NR3C2: variants seen among roughly 807,000 people sequenced by gnomAD.
NR3C2 encodes the protein mineralocorticoid receptor.
NR3C2 carries 15 observed loss-of-function variants against 86.4 expected under a neutral mutation model. The observed-to-expected ratio is 0.17, with a 90% CI of 0.12 to 0.27. The LOEUF is 0.27. Ranked by LOEUF, NR3C2 falls within the 10% of genes least tolerant of loss-of-function variation. The pLI is 1.00. For missense variants in NR3C2, 960 were observed against 1,195.6 expected, an observed-to-expected ratio of 0.80 and a Z score of 2.91; for synonymous variants, 458 against 450.5, an observed-to-expected ratio of 1.02 and a Z score of -0.21.
intron 4 of NR3C2, among the ~76,000 whole-genome samples, chr4:148,161,229 C>T (rs114714669): frequency 6.6e-6 from 1 of 152,130 alleles, no homozygotes; most frequent in African/African-American, 2.4e-5. Context: ...GATTAATCTA[C>T]ATAATTTAAT....
chr4:148,444,289 T>C, upstream of NR3C2: 8 of 985,376 alleles, frequency 8.1e-6, no homozygotes, highest in Non-Finnish European at 9.6e-6. Flanking sequence ...TCTCAGCTTC[T>C]TGCAAAATCT....
intron 2 of NR3C2, among the ~76,000 whole-genome samples, chr4:148,427,111 T>C (rs558049699): frequency 3.3e-5 from 5 of 152,116 alleles, no homozygotes; most frequent in South Asian, 2.1e-4. Context: ...CAAATCACCA[T>C]GCCCTGCTAA....
intron 2 of NR3C2, among the ~76,000 whole-genome samples, chr4:148,343,783 T>C (rs754561982): frequency 9.9e-5 from 15 of 151,922 alleles, no homozygotes; most frequent in Non-Finnish European, 2.1e-4. Flanking sequence ...TCGAAAAAAA[T>C]TGCAAAGGAG....
At chr4:148,136,068 A>C (rs1489924409) in intron 6 of NR3C2, among the ~76,000 whole-genome samples, 10 of 96,182 alleles carry the variant, frequency 1.0e-4, no homozygotes, top group South Asian at 9.5e-4. Context: ...AAAAAAAAAA[A>C]AAAAAAAACA....
At chr4:148,265,236 T>A (rs1449752609) in intron 2 of NR3C2, among the ~76,000 whole-genome samples, 1 of 152,114 alleles carries the variant, frequency 6.6e-6, no homozygotes, top group Non-Finnish European at 1.5e-5. Flanking sequence ...ATCTAATGAC[T>A]CAGTAAAGAG....
intron 2 of NR3C2, among the ~76,000 whole-genome samples, chr4:148,382,239 C>T (rs1747033595): frequency 1.3e-5 from 2 of 152,182 alleles, no homozygotes; most frequent in Non-Finnish European, 2.9e-5. Flanking sequence ...TCTAGGATCT[C>T]TAATGAGTTA....
At chr4:148,090,865 C>T (rs1731029091) in intron 8 of NR3C2, among the ~76,000 whole-genome samples, 2 of 152,228 alleles carry the variant, frequency 1.3e-5, no homozygotes, top group Non-Finnish European at 2.9e-5. Context: ...ATGCCTCGGT[C>T]AGCTGCAGAG....
intron 6 of NR3C2, chr4:148,146,743 A>C (rs917535256): frequency 6.6e-6 from 1 of 152,170 alleles, no homozygotes; most frequent in Non-Finnish European, 1.5e-5. Context: ...ACCCTCTCTC[A>C]CTCTCGCCAA....
intron 7 of NR3C2, among the ~76,000 whole-genome samples, chr4:148,117,772 C>T (rs910152215): frequency 6.6e-6 from 1 of 152,168 alleles, no homozygotes; most frequent in African/African-American, 2.4e-5. Context: ...TCTTCATACG[C>T]ATTCGGAAAT....
At chr4:148,260,595 A>G (rs1203533948) in intron 2 of NR3C2, among the ~76,000 whole-genome samples, 1 of 152,200 alleles carries the variant, frequency 6.6e-6, no homozygotes. Flanking sequence ...CACTAATTTA[A>G]AAAAATTTTA....
chr4:148,146,918 C>CTTTAT (rs1293839146), intron 6 of NR3C2, among the ~76,000 whole-genome samples: 1 of 151,708 alleles, frequency 6.6e-6, no homozygotes, highest in Admixed American at 6.6e-5. Flanking sequence ...AATACTGAAC[C>CTTTAT]TTCATTTCAG....
chr4:148,257,083 T>C (rs1409801482), intron 3 of NR3C2, among the ~76,000 whole-genome samples: 1 of 152,188 alleles, frequency 6.6e-6, no homozygotes, highest in African/African-American at 2.4e-5. Flanking sequence ...TCATGTTCTG[T>C]TCCTGGTGCC....
chr4:148,417,314 C>T (rs1032507361), intron 2 of NR3C2, among the ~76,000 whole-genome samples: 8 of 152,184 alleles, frequency 5.3e-5, no homozygotes, highest in South Asian at 2.1e-4. Flanking sequence ...CGTGCACACA[C>T]GTACTTCCTT....
chr4:148,264,151 G>C (rs1740261701), intron 2 of NR3C2, among the ~76,000 whole-genome samples: 1 of 152,148 alleles, frequency 6.6e-6, no homozygotes, highest in South Asian at 2.1e-4. Context: ...AAAGAATCCA[G>C]GGACAGACTA....
chr4:148,281,405 G>A (rs1300661085), intron 2 of NR3C2, among the ~76,000 whole-genome samples: 2 of 152,158 alleles, frequency 1.3e-5, no homozygotes, highest in Non-Finnish European at 2.9e-5. Context: ...AGTGACTTAC[G>A]TCCTTTCAAT....
At chr4:148,344,628 C>T (rs1199095652) in intron 2 of NR3C2, among the ~76,000 whole-genome samples, 1 of 152,168 alleles carries the variant, frequency 6.6e-6, no homozygotes, top group African/African-American at 2.4e-5. Context: ...CTTGAGTCCA[C>T]ATCTGTTTAC....
intron 3 of NR3C2, among the ~76,000 whole-genome samples, chr4:148,214,998 G>A (rs1241664270): frequency 6.6e-6 from 1 of 152,216 alleles, no homozygotes; most frequent in East Asian, 1.9e-4. Flanking sequence ...TCAACAAGGG[G>A]ATGGGGGCCT....
At chr4:148,227,846 C>T (rs978067440) in intron 3 of NR3C2, among the ~76,000 whole-genome samples, 5 of 152,092 alleles carry the variant, frequency 3.3e-5, no homozygotes, top group African/African-American at 9.7e-5. Flanking sequence ...TTTGAGACCT[C>T]CTTACTTTCT....
intron 2 of NR3C2, among the ~76,000 whole-genome samples, chr4:148,351,766 A>C (rs946326493): frequency 3.9e-5 from 6 of 152,230 alleles, no homozygotes; most frequent in Admixed American, 3.3e-4. Flanking sequence ...TCACAGTGAT[A>C]AACTCAGAGT....
Sources: gnomAD v4.1 joint callset for allele counts (sites outside exome capture counted in the v4.1 genomes callset) on GRCh38, gnomAD v4.1.1 for gene constraint, MANE v1.5 for transcripts, NCBI Gene and HGNC (gene_info 2026-07-23, HGNC 2026-07-21) for gene names.